MTMR7: variants seen among roughly 807,000 people sequenced by gnomAD.
The protein encoded by MTMR7 is myotubularin related protein 7, also known as phosphatidylinositol-3-phosphate phosphatase MTMR7.
Under a neutral mutation model 81.2 loss-of-function variants are expected in MTMR7, and 76 were observed. That is an observed-to-expected ratio of 0.94 (90% CI 0.78 to 1.13). MTMR7 has a LOEUF of 1.13. Among genes scored for constraint, MTMR7 ranks in the 50% most tolerant of loss-of-function variants. The pLI is 0.00. For missense variants in MTMR7, 1,044 were observed against 820.0 expected (o/e 1.27, Z -3.34); for synonymous variants, 372 against 289.8 (o/e 1.28, Z -2.88).
At chr8:17,347,317 A>G (rs1423972441) in intron 5 of MTMR7, among the ~76,000 whole-genome samples, 2 of 152,258 alleles carry the variant, frequency 1.3e-5, no homozygotes, top group Admixed American at 1.3e-4. Flanking sequence ...TAGGAAAAGA[A>G]GAAGAGCAAT....
At chr8:17,377,580 T>A (rs550629552) in intron 1 of MTMR7, among the ~76,000 whole-genome samples, 6 of 151,036 alleles carry the variant, frequency 4.0e-5, no homozygotes, top group Non-Finnish European at 8.8e-5. Flanking sequence ...TGCCATGTGG[T>A]TTTTGTCTGT....
chr8:17,335,631 G>C (rs999393137), intron 6 of MTMR7, among the ~76,000 whole-genome samples: 1 of 152,176 alleles, frequency 6.6e-6, no homozygotes, highest in Admixed American at 6.5e-5. Context: ...TCAAATGACG[G>C]TCTTTCTCTC....
chr8:17,317,732 T>C (rs1007253106), intron 7 of MTMR7, among the ~76,000 whole-genome samples: 6 of 152,162 alleles, frequency 3.9e-5, no homozygotes, highest in African/African-American at 9.7e-5. Flanking sequence ...TTCCAGAGAT[T>C]GTCTAAGGAT....
chr8:17,306,653 A>G (rs1411097805), intron 10 of MTMR7, among the ~76,000 whole-genome samples: 1 of 152,324 alleles, frequency 6.6e-6, no homozygotes, highest in African/African-American at 2.4e-5. Flanking sequence ...GTCATCAAAG[A>G]CAAAATAACA....
intron 1 of MTMR7, among the ~76,000 whole-genome samples, chr8:17,412,817 T>C (rs1213574680): frequency 6.6e-6 from 1 of 152,190 alleles, no homozygotes; most frequent in Non-Finnish European, 1.5e-5. Context: ...CCTGACACCC[T>C]AGATTTAACA....
At chr8:17,351,775 G>C (rs1038968623) in intron 4 of MTMR7, among the ~76,000 whole-genome samples, 5 of 152,216 alleles carry the variant, frequency 3.3e-5, no homozygotes, top group Non-Finnish European at 7.3e-5. Flanking sequence ...TAAGAAGCTA[G>C]AATGCATTTG....
chr8:17,307,110 A>C (rs1394522254), intron 10 of MTMR7, among the ~76,000 whole-genome samples: 1 of 152,140 alleles, frequency 6.6e-6, no homozygotes. Context: ...GCAACCTACA[A>C]AATGGGAGAA....
chr8:17,341,714 A>G (rs1819413620), intron 5 of MTMR7, among the ~76,000 whole-genome samples: 1 of 152,208 alleles, frequency 6.6e-6, no homozygotes, highest in South Asian at 2.1e-4. Flanking sequence ...TCTGTGCAAA[A>G]TATTAGGAAT....
intron 8 of MTMR7, 41 bp downstream of exon 8, chr8:17,313,251 G>T: frequency 6.9e-7 from 1 of 1,456,042 alleles, no homozygotes; most frequent in Non-Finnish European, 9.6e-7. Context: ...TCAGTGGTTT[G>T]CTCATCTGTC....
chr8:17,336,263 G>A (rs367660526), intron 6 of MTMR7, among the ~76,000 whole-genome samples: 1 of 152,030 alleles, frequency 6.6e-6, no homozygotes, highest in East Asian at 1.9e-4. Context: ...GACACCCGGC[G>A]GCTGAGCCCT....
chr8:17,299,919 C>T lies in MTMR7; in HGVS notation c.1926G>A (p.Pro642=), dbSNP rs772447235. Residue 642 remains proline, a synonymous_variant, in exon 14 of 14, where the codon CCG becomes CCA. Transcript: ENST00000180173. The part of the protein sequence containing the change: ...CRSPSGGEHA[P]SEDSGKDRDS... ...CCCGGTCCTTGCCACTATCTTCACT[C>T]GGTGCATGCTCACCACCACTTGGAG... 1.6e-5 allele frequency: 26 copies of T among 1,614,138 alleles called. No homozygotes were observed. Among genetic ancestry groups the T allele is most frequent in the Admixed American group, 1.2e-4 (7 of 60,012 alleles).
At chr8:17,304,591 G>T in intron 11 of MTMR7, 72 bp from the exon 12 acceptor site, 2 of 1,487,238 alleles carry the variant, frequency 1.3e-6, no homozygotes, top group African/African-American at 1.4e-5. Flanking sequence ...TTATATTAAT[G>T]CTGGAAAGGA....
chr8:17,384,545 A>C (rs1820869811), intron 1 of MTMR7, among the ~76,000 whole-genome samples: 1 of 152,238 alleles, frequency 6.6e-6, no homozygotes, highest in Non-Finnish European at 1.5e-5. Context: ...TAGAGTATGC[A>C]AAAAATATAA....
intron 1 of MTMR7, among the ~76,000 whole-genome samples, chr8:17,385,166 T>C (rs1309931720): frequency 6.6e-6 from 1 of 152,088 alleles, no homozygotes; most frequent in African/African-American, 2.4e-5. Context: ...TTTGGATCTG[T>C]GTCCCCATCC....
chr8:17,311,491 C>G lies in MTMR7; in HGVS notation c.1101+20G>C, dbSNP rs761004870. 2.5e-6 allele frequency: 4 copies of G among 1,613,870 alleles called. No individual in the cohort carries two copies. The highest frequency in any genetic ancestry group is 3.4e-6 in the Non-Finnish European group (4 of 1,179,954). ...TGGTCAAGGCACCGCCTGTGGGAAT[C>G]GCCCAGTGGCCACACTCACCATGAA... On this transcript the variant is annotated intron_variant, in intron 9 of 13. Transcript: ENST00000180173.
chr8:17,326,398 C>A (rs921737091), intron 7 of MTMR7: 2 of 152,136 alleles, frequency 1.3e-5, no homozygotes, highest in African/African-American at 4.8e-5. Flanking sequence ...CTTCCATAAA[C>A]GTATCTTCAT....
intron 7 of MTMR7, among the ~76,000 whole-genome samples, chr8:17,329,137 T>C (rs1325918180): frequency 6.6e-6 from 1 of 152,194 alleles, no homozygotes; most frequent in Non-Finnish European, 1.5e-5. Flanking sequence ...ATGAAACGCA[T>C]CATTCATTCC....
At chr8:17,361,648 T>C (rs1453161956) in intron 3 of MTMR7, among the ~76,000 whole-genome samples, 1 of 152,204 alleles carries the variant, frequency 6.6e-6, no homozygotes, top group Non-Finnish European at 1.5e-5. Flanking sequence ...ATTTTTTTAA[T>C]GCCTATCAAG....
chr8:17,348,328 G>A (rs1413425019), intron 5 of MTMR7, among the ~76,000 whole-genome samples: 5 of 151,724 alleles, frequency 3.3e-5, no homozygotes, highest in Non-Finnish European at 7.4e-5. Context: ...ACCTGTGGTC[G>A]GGAGTTCAAG....
Sources: gnomAD v4.1 joint callset for allele counts (sites outside exome capture counted in the v4.1 genomes callset) on GRCh38, gnomAD v4.1.1 for gene constraint, MANE v1.5 for transcripts, NCBI Gene and HGNC (gene_info 2026-07-23, HGNC 2026-07-21) for gene names.